Variants in DOCK4 observed in about 807,000 individuals in gnomAD.
DOCK4 encodes the protein dedicator of cytokinesis protein 4.
Under a neutral mutation model 268.1 loss-of-function variants are expected in DOCK4, and 97 were observed. The observed-to-expected ratio is 0.36, with a 90% CI of 0.31 to 0.43. The LOEUF is 0.43. Among genes scored for constraint, DOCK4 ranks in the 20% least tolerant of loss-of-function variants. The pLI is 1.00. For missense variants in DOCK4, 2,145 were observed against 2,455.7 expected, an observed-to-expected ratio of 0.87 and a Z score of 2.67; for synonymous variants, 954 against 887.2, an observed-to-expected ratio of 1.08 and a Z score of -1.34.
In DOCK4 at chr7:111,989,033, C is replaced by A; in HGVS notation, c.446G>T (p.Arg149Leu). Reference protein sequence around the residue: ...MKDVKRHITARLDWGNEQLGL... With the variant: ...MKDVKRHITALLDWGNEQLGL... ...TACTCACTCATTGCCCCAGTCAAGC[C>A]GGGCAGTAATGTGGCGCTTCACGTC... is the stretch of plus-strand genomic sequence containing the variant. The change falls in exon 6 of 53, where the codon CGG (arginine) becomes CTG (leucine). Residue 149 changes from arginine (R) to leucine (L), a missense_variant. Transcript: ENST00000428084. 1 of 1,612,464 alleles carries A rather than the reference C, an allele frequency of 6.2e-7. No homozygotes were observed. Among genetic ancestry groups the A allele is most frequent in the Admixed American group, 1.7e-5 (1 of 59,756 alleles).
At chr7:111,813,049 T>A (rs944072745) in intron 27 of DOCK4, among the ~76,000 whole-genome samples, 1 of 152,216 alleles carries the variant, frequency 6.6e-6, no homozygotes, top group Non-Finnish European at 1.5e-5. Context: ...ATATTTCCAA[T>A]TGGTTCACTT....
At chr7:111,832,384 C>G (rs2134015637) in intron 26 of DOCK4, among the ~76,000 whole-genome samples, 1 of 152,330 alleles carries the variant, frequency 6.6e-6, no homozygotes, top group East Asian at 1.9e-4. Flanking sequence ...TGATTACTCC[C>G]CTACAGGAAC....
At chr7:112,102,636 T>C (rs1454831654) in intron 1 of DOCK4, among the ~76,000 whole-genome samples, 1 of 152,024 alleles carries the variant, frequency 6.6e-6, no homozygotes, top group East Asian at 1.9e-4. Context: ...GAGGACACAG[T>C]GAGAAGGTGC....
At chr7:111,801,994 C>A (rs1015907803) in intron 30 of DOCK4, among the ~76,000 whole-genome samples, 1 of 151,938 alleles carries the variant, frequency 6.6e-6, no homozygotes, top group Non-Finnish European at 1.5e-5. Context: ...AGCCACCGTG[C>A]CCAGCCAGAA....
chr7:111,751,426 T>A (rs1411096910), intron 42 of DOCK4, among the ~76,000 whole-genome samples: 2 of 152,170 alleles, frequency 1.3e-5, no homozygotes, highest in African/African-American at 4.8e-5. Context: ...TGGATTCGAA[T>A]AATAGAGTAA....
At chr7:111,855,374 CAGACAG>C (rs1804917777) in intron 23 of DOCK4, among the ~76,000 whole-genome samples, 1 of 151,938 alleles carries the variant, frequency 6.6e-6, no homozygotes, top group African/African-American at 2.4e-5. Context: ...TTCTTGGCCA[CAGACAG>C]AGACAAAGGG....
At chr7:111,872,125 TGC>T in intron 19 of DOCK4, 35 bp from the exon 20 acceptor site, 2 of 1,485,934 alleles carry the variant, frequency 1.3e-6, no homozygotes, top group South Asian at 2.6e-5. Context: ...TAAAACTAAA[TGC>T]AAATCAAGGT....
chr7:111,826,904 A>T (rs58953120), intron 26 of DOCK4, among the ~76,000 whole-genome samples: 20,085 of 152,090 alleles, frequency 0.13, 1,964 homozygotes, highest in African/African-American at 0.27. Flanking sequence ...ATATTTTTTT[A>T]AAAAAGAGAA....
intron 1 of DOCK4, among the ~76,000 whole-genome samples, chr7:112,053,396 A>G (rs137921337): frequency 1.3e-5 from 2 of 152,304 alleles, no homozygotes; most frequent in Admixed American, 1.3e-4. Context: ...GCATACAAAT[A>G]TCTTTAAAAG....
intron 25 of DOCK4, among the ~76,000 whole-genome samples, 177 bp from the exon 26 acceptor site, chr7:111,834,863 C>T (rs1563568155): frequency 6.6e-6 from 1 of 151,928 alleles, no homozygotes. Flanking sequence ...AGCCAAAACT[C>T]CCTATGATGA....
intron 1 of DOCK4, among the ~76,000 whole-genome samples, chr7:112,141,734 G>A (rs1304406127): frequency 1.3e-5 from 2 of 152,138 alleles, no homozygotes; most frequent in Non-Finnish European, 2.9e-5. Flanking sequence ...TGGGGGCCTG[G>A]CAGGTAATGT....
At chr7:111,989,567 GATGAAATGGAAGAC>G (rs1225514217) in intron 5 of DOCK4, among the ~76,000 whole-genome samples, 9 of 152,106 alleles carry the variant, frequency 5.9e-5, no homozygotes, top group African/African-American at 2.2e-4. Context: ...AACTAAAGCT[GATGAAATGGAAGAC>G]ATTGCTTTCC....
chr7:112,003,972 T>C, intron 2 of DOCK4, 76 bp downstream of exon 2: 1 of 1,138,766 alleles, frequency 8.8e-7, no homozygotes. Context: ...TTCCAGAGAT[T>C]AATAGCGGTA....
intron 1 of DOCK4, among the ~76,000 whole-genome samples, chr7:112,116,541 A>G (rs570229403): frequency 6.6e-6 from 1 of 152,288 alleles, no homozygotes; most frequent in African/African-American, 2.4e-5. Context: ...ACAAGTGGGG[A>G]AACCAGAAGA....
At chr7:112,180,261 G>A (rs917142025) in intron 1 of DOCK4, among the ~76,000 whole-genome samples, 6 of 152,066 alleles carry the variant, frequency 3.9e-5, no homozygotes, top group African/African-American at 1.4e-4. Flanking sequence ...GATGCAAAAC[G>A]ACTCTGGAGA....
chr7:111,748,163 T>C (rs966997268), intron 42 of DOCK4, among the ~76,000 whole-genome samples: 4 of 152,204 alleles, frequency 2.6e-5, no homozygotes, highest in African/African-American at 4.8e-5. Context: ...TGCCAAGCTC[T>C]CAGCAATCAA....
rs149255716 is a variant in DOCK4 at position 111,981,511 on chromosome 7, C to T, written c.549+2795G>A. ...ACCTGCACAACCTGCACATGTACCC[C>T]GGAACTTAAAATAGAAGTTGAAGAG... On this transcript the variant is annotated intron_variant, in intron 7 of 52. Coordinates refer to ENST00000428084, the MANE Select transcript of DOCK4 (RefSeq NM_001363540.2). Among the ~76,000 whole-genome samples the T allele has an allele frequency of 8.1e-3, 1,231 of 151,970 alleles. 22 individuals carry two copies. The highest frequency in any genetic ancestry group is 0.027 in the African/African-American group (1,138 of 41,424).
chr7:111,956,879 C>G (rs1170061467), intron 8 of DOCK4, among the ~76,000 whole-genome samples: 2 of 152,170 alleles, frequency 1.3e-5, no homozygotes, highest in African/African-American at 4.8e-5. Flanking sequence ...TTTTGCTTTA[C>G]AAGCCAAAAT....
chr7:111,934,740 C>T (rs1475671422), intron 12 of DOCK4, among the ~76,000 whole-genome samples: 20 of 148,640 alleles, frequency 1.3e-4, no homozygotes, highest in Admixed American at 6.0e-4. Flanking sequence ...GAGGTTTCAC[C>T]GTGTTAGCCA....
Sources: gnomAD v4.1 joint callset for allele counts (sites outside exome capture counted in the v4.1 genomes callset) on GRCh38, gnomAD v4.1.1 for gene constraint, MANE v1.5 for transcripts, NCBI Gene and HGNC (gene_info 2026-07-23, HGNC 2026-07-21) for gene names.